The following ANKRD17 variants were observed in gnomAD, a reference collection of about 807,000 sequenced individuals.
ANKRD17 encodes the protein ankyrin repeat domain 17, also known as ankyrin repeat domain-containing protein 17.
A neutral mutation model predicts 229.7 loss-of-function variants in ANKRD17; 19 were observed. That is an observed-to-expected ratio of 0.08 (90% CI 0.06 to 0.12). The LOEUF is 0.12. Among genes scored for constraint, ANKRD17 ranks in the 10% least tolerant of loss-of-function variants. ANKRD17 has a pLI of 1.00. For synonymous variants in ANKRD17, 1,112 were observed against 1,146.1 expected (o/e 0.97, Z 0.60); for missense variants, 2,176 against 3,176.8 (o/e 0.68, Z 7.57).
At chr4:73,141,378 T>C (rs1008407639) in intron 14 of ANKRD17, among the ~76,000 whole-genome samples, 1 of 152,234 alleles carries the variant, frequency 6.6e-6, no homozygotes, top group African/African-American at 2.4e-5. Flanking sequence ...TAATATTTGA[T>C]ACATCTTGTT....
chr4:73,179,518 A>ATATTTTTTTTT (rs1192164276), intron 1 of ANKRD17, among the ~76,000 whole-genome samples: 17 of 40,782 alleles, frequency 4.2e-4, no homozygotes, highest in Non-Finnish European at 5.5e-4. Context: ...ATATATATAT[A>ATATTTTTTTTT]TTTTTTTTTT....
chr4:73,222,998 T>G, intron 1 of ANKRD17: 1 of 1,536,030 alleles, frequency 6.5e-7, no homozygotes. Context: ...CTAGAACATA[T>G]GCTTCCATTT....
intron 1 of ANKRD17, among the ~76,000 whole-genome samples, chr4:73,183,431 T>C (rs1408257809): frequency 1.3e-5 from 2 of 151,980 alleles, no homozygotes; most frequent in East Asian, 1.9e-4. Context: ...ATCTGAGAAA[T>C]AGATATATAG....
At chr4:73,213,902 G>A (rs1490831630) in intron 1 of ANKRD17, among the ~76,000 whole-genome samples, 1 of 152,062 alleles carries the variant, frequency 6.6e-6, no homozygotes, top group Non-Finnish European at 1.5e-5. Flanking sequence ...ACCTGTGAAA[G>A]AAGGGAAGGA....
At chr4:73,249,383 A>T (rs1192521009) in intron 1 of ANKRD17, among the ~76,000 whole-genome samples, 2 of 152,250 alleles carry the variant, frequency 1.3e-5, no homozygotes, top group Non-Finnish European at 2.9e-5. Context: ...CCTGCAAGAG[A>T]GGCACAGCCA....
intron 23 of ANKRD17, among the ~76,000 whole-genome samples, chr4:73,114,473 G>A (rs924177111): frequency 6.6e-6 from 1 of 151,790 alleles, no homozygotes. Flanking sequence ...TTTAGAGATA[G>A]GGGCTTGCCA....
chr4:73,084,202 A>T (rs1721868386), intron 30 of ANKRD17, among the ~76,000 whole-genome samples: 1 of 152,136 alleles, frequency 6.6e-6, no homozygotes, highest in South Asian at 2.1e-4. Context: ...CAATGTAGTG[A>T]AACTGTCTCT....
chr4:73,098,552 T>C, intron 25 of ANKRD17, 32 bp from the exon 26 acceptor site: 1 of 1,575,008 alleles, frequency 6.3e-7, no homozygotes, highest in South Asian at 1.2e-5. Context: ...ATTAGCAAGT[T>C]CTAAGTGTTC....
rs35160047 is a variant in ANKRD17, at chr4:73,250,589, C to CAAAAAAAAAAAAAAAAAAAAA, written c.393+7666_393+7686dup. Among the ~76,000 whole-genome samples the CAAAAAAAAAAAAAAAAAAAAA allele has an allele frequency of 5.8e-4, 17 of 29,410 alleles. 2 individuals carry two copies. The highest frequency in any genetic ancestry group is 1.2e-3 in the East Asian group (1 of 860). 19.3% of individuals were successfully genotyped at this position (29,410 alleles called of 152,430 possible). A position where few individuals can be genotyped will look rare whatever the true frequency, so the allele number is the denominator to read the frequency against. On this transcript the variant is annotated intron_variant, in intron 1 of 33. Coordinates refer to ENST00000358602, the MANE Select transcript of ANKRD17 (RefSeq NM_032217.5). Reference sequence around the variant, plus strand: ...CACTCCAGCATAGATGACCTTGTCTCAAAAAAAAAAAAAAAAAAAAAAAAA... The same window carrying CAAAAAAAAAAAAAAAAAAAAA: ...CACTCCAGCATAGATGACCTTGTCTCAAAAAAAAAAAAAAAAAAAAAAAAAAAAAAAAAAAAAAAAAAAAAA...
chr4:73,136,519 TA>T (rs1728913102), intron 15 of ANKRD17, among the ~76,000 whole-genome samples: 1 of 152,014 alleles, frequency 6.6e-6, no homozygotes, highest in African/African-American at 2.4e-5. Context: ...TAAGTCCACT[TA>T]AAAGCCAAAG....
At position 73,100,737 on chromosome 4, in the gene ANKRD17, G is replaced by T. The variant is rs1723875414; in HGVS notation, c.4573+1639C>A. On this transcript the variant is annotated intron_variant, in intron 25 of 33. Transcript: ENST00000358602. ...GCCAAAATGTTTTAAAAATGTAGGT[G>T]ACATAGAGGTATTTACCATATTAAT... is the stretch of plus-strand genomic sequence containing the variant. 4 of 594,056 alleles carry T rather than the reference G, an allele frequency of 6.7e-6. No homozygotes were observed. The South Asian group carries it at 2.2e-4, about 33-fold the overall frequency. The allele number at this position is 594,056 out of a possible 1,614,324, so 36.8% of individuals were successfully genotyped here. A position where few individuals can be genotyped will look rare whatever the true frequency, so the allele number is the denominator to read the frequency against.
intron 16 of ANKRD17, among the ~76,000 whole-genome samples, chr4:73,131,508 T>G (rs532133205): frequency 6.6e-6 from 1 of 152,224 alleles, no homozygotes; most frequent in Non-Finnish European, 1.5e-5. Flanking sequence ...GAAAGACAAA[T>G]GATCTCTTAC....
intron 5 of ANKRD17, 124 bp downstream of exon 5, chr4:73,155,507 T>C (rs1578212208): frequency 2.0e-6 from 2 of 1,006,364 alleles, no homozygotes; most frequent in African/African-American, 3.3e-5. Flanking sequence ...CACAGATGTG[T>C]GAGAATATGT....
intron 29 of ANKRD17, among the ~76,000 whole-genome samples, chr4:73,087,374 C>G (rs1256379260): frequency 2.6e-5 from 4 of 152,124 alleles, no homozygotes; most frequent in Admixed American, 2.6e-4. Context: ...TGTGAGCCAC[C>G]ACATCCAGCC....
In ANKRD17 at chr4:73,073,392, T is replaced by C. The variant is rs921292105; in HGVS notation, c.*2839A>G. 2.0e-5 allele frequency: 3 copies of C among 152,118 alleles called. No homozygotes were observed. Among genetic ancestry groups the C allele is most frequent in the Admixed American group, 2.0e-4 (3 of 15,270 alleles). 9.4% of individuals were successfully genotyped at this position (152,118 alleles called of 1,614,324 possible). A position where few individuals can be genotyped will look rare whatever the true frequency, so the allele number is the denominator to read the frequency against. On this transcript the variant is annotated 3_prime_UTR_variant, in exon 34 of 34. Coordinates refer to ENST00000358602, the MANE Select transcript of ANKRD17 (RefSeq NM_032217.5). ...TGAAAAACATCAACATGAAAATAGA[T>C]TTAATAAACTAGAGGATCTGAAGAG...
intron 27 of ANKRD17, among the ~76,000 whole-genome samples, chr4:73,095,444 T>C (rs548687441): frequency 1.3e-5 from 2 of 149,354 alleles, no homozygotes; most frequent in South Asian, 4.3e-4. Flanking sequence ...CTACTAAAAA[T>C]ACAAAAAATT....
At chr4:73,097,736 G>T (rs1162967500) in intron 26 of ANKRD17, among the ~76,000 whole-genome samples, 1 of 152,034 alleles carries the variant, frequency 6.6e-6, no homozygotes, top group Non-Finnish European at 1.5e-5. Context: ...ATTGCACCCA[G>T]CCTGAAGAGC....
intron 16 of ANKRD17, among the ~76,000 whole-genome samples, chr4:73,126,295 G>A (rs904795339): frequency 1.3e-5 from 2 of 152,094 alleles, no homozygotes; most frequent in Non-Finnish European, 2.9e-5. Context: ...CCACCAGAGA[G>A]AGTCAGGCTG....
At chr4:73,108,761 C>T (rs1299070438) in intron 24 of ANKRD17, among the ~76,000 whole-genome samples, 5 of 152,162 alleles carry the variant, frequency 3.3e-5, no homozygotes, top group Admixed American at 2.6e-4. Context: ...CTGAAAGCGG[C>T]GGTTCAGGGA....
Sources: gnomAD v4.1 joint callset for allele counts (sites outside exome capture counted in the v4.1 genomes callset) on GRCh38, gnomAD v4.1.1 for gene constraint, MANE v1.5 for transcripts, NCBI Gene and HGNC (gene_info 2026-07-23, HGNC 2026-07-21) for gene names.